Variants in PRELID2 observed in about 807,000 individuals in gnomAD.
PRELID2 encodes PRELI domain-containing protein 2.
PRELID2 carries 25 observed loss-of-function variants against 28.4 expected under a neutral mutation model. The observed-to-expected ratio is 0.88, with a 90% CI of 0.64 to 1.23. The LOEUF (loss-of-function observed/expected upper bound fraction) is 1.23, where lower values mean the gene tolerates loss of function less well. PRELID2 is among the 50% of genes most tolerant of loss of function. The probability of loss-of-function intolerance (pLI) is 0.00; values close to 1 mark genes in which losing one functional copy is unlikely to be tolerated. For synonymous variants in PRELID2, 76 were observed against 71.6 expected, an observed-to-expected ratio of 1.06 and a Z score of -0.31; for missense variants, 201 against 214.4, an observed-to-expected ratio of 0.94 and a Z score of 0.39.
intron 1 of PRELID2, among the ~76,000 whole-genome samples, chr5:145,544,848 A>G (rs1018845894): frequency 9.2e-5 from 14 of 152,158 alleles, no homozygotes; most frequent in African/African-American, 3.4e-4. Flanking sequence ...TTAGTGGCCA[A>G]GGAGTTCACA....
At chr5:145,631,267 C>A (rs62392260) in intron 1 of PRELID2, among the ~76,000 whole-genome samples, 1,812 of 152,246 alleles carry the variant, frequency 0.012, 17 homozygotes, top group Non-Finnish European at 0.017. Flanking sequence ...CCTGGAAGAC[C>A]TTATTAGGTG....
the PRELID2 span, among the ~76,000 whole-genome samples, chr5:145,272,153 A>G: frequency 6.6e-6 from 1 of 152,072 alleles, no homozygotes; most frequent in Non-Finnish European, 1.5e-5. Context: ...TATTAGTTTG[A>G]CTTACTGAGA....
the PRELID2 span, among the ~76,000 whole-genome samples, chr5:145,445,877 GA>G: frequency 6.6e-6 from 1 of 151,944 alleles, no homozygotes; most frequent in African/African-American, 2.4e-5. Flanking sequence ...TGCTGGTGGG[GA>G]TATGGAGAAG....
intron 5 of PRELID2, among the ~76,000 whole-genome samples, chr5:145,791,229 A>T (rs1215310650): frequency 6.6e-6 from 1 of 152,096 alleles, no homozygotes; most frequent in African/African-American, 2.4e-5. Flanking sequence ...AGAGAACAGG[A>T]TGGAGGAAAC....
At chr5:145,670,206 ACAG>A (rs1754677872) in intron 1 of PRELID2, among the ~76,000 whole-genome samples, 1 of 152,152 alleles carries the variant, frequency 6.6e-6, no homozygotes. Flanking sequence ...ACTTCCAATC[ACAG>A]CAGAAGGCAA....
the PRELID2 span, among the ~76,000 whole-genome samples, chr5:145,239,762 T>G: frequency 4.1e-4 from 63 of 152,106 alleles, no homozygotes; most frequent in African/African-American, 1.5e-3. Flanking sequence ...TCTGCCCTAC[T>G]CAAGTGGCCC....
the PRELID2 span, among the ~76,000 whole-genome samples, chr5:145,357,702 G>A: frequency 3.3e-5 from 5 of 151,956 alleles, no homozygotes; most frequent in Admixed American, 6.6e-5. Flanking sequence ...CCTGAATGTC[G>A]ATGATCTTTG....
the PRELID2 span, among the ~76,000 whole-genome samples, chr5:145,405,624 G>A: frequency 1.3e-5 from 2 of 150,804 alleles, no homozygotes; most frequent in Non-Finnish European, 2.9e-5. Flanking sequence ...AATCATGGCA[G>A]AAAGTGAAGA....
the PRELID2 span, among the ~76,000 whole-genome samples, chr5:145,370,748 C>T: frequency 1.3e-5 from 2 of 152,068 alleles, no homozygotes; most frequent in South Asian, 2.1e-4. Flanking sequence ...TCTTCCTGTC[C>T]ATGAGGATGG....
intron 1 of PRELID2, among the ~76,000 whole-genome samples, chr5:145,709,999 T>A (rs1467448296): frequency 1.3e-5 from 2 of 152,206 alleles, no homozygotes; most frequent in African/African-American, 4.8e-5. Flanking sequence ...ATGGGGTTTT[T>A]TAAATTGCTT....
At chr5:145,644,699 A>G (rs1754167899) in intron 1 of PRELID2, among the ~76,000 whole-genome samples, 2 of 152,130 alleles carry the variant, frequency 1.3e-5, no homozygotes, top group African/African-American at 4.8e-5. Context: ...TGTCCCAGAG[A>G]TTCTGGTATG....
At chr5:145,481,832 C>T (rs2126617884) in intron 1 of PRELID2, among the ~76,000 whole-genome samples, 1 of 152,104 alleles carries the variant, frequency 6.6e-6, no homozygotes, top group African/African-American at 2.4e-5. Context: ...TTGTATAGCA[C>T]AGTATTTTAG....
chr5:145,512,464 G>A (rs1206952136), intron 1 of PRELID2, among the ~76,000 whole-genome samples: 2 of 152,170 alleles, frequency 1.3e-5, no homozygotes, highest in African/African-American at 4.8e-5. Flanking sequence ...CTCTGGGCAG[G>A]GCATCTCTGA....
chr5:145,734,528 G>A (rs1371793019), intron 1 of PRELID2, among the ~76,000 whole-genome samples: 1 of 152,154 alleles, frequency 6.6e-6, no homozygotes, highest in East Asian at 1.9e-4. Context: ...GAGACCAAAA[G>A]TCTACCAATG....
intron 5 of PRELID2, among the ~76,000 whole-genome samples, chr5:145,767,701 C>T (rs867274812): frequency 1.1e-4 from 16 of 152,070 alleles, no homozygotes; most frequent in Admixed American, 7.9e-4. Context: ...TTGAGAGCTG[C>T]GTGCTGAGTA....
At chr5:145,590,161 T>C (rs1753208513) in intron 1 of PRELID2, among the ~76,000 whole-genome samples, 1 of 152,168 alleles carries the variant, frequency 6.6e-6, no homozygotes, top group African/African-American at 2.4e-5. Context: ...AACTAAGCTA[T>C]TTCTAGCCCC....
At chr5:145,622,435 A>T (rs1753785879) in intron 1 of PRELID2, among the ~76,000 whole-genome samples, 1 of 152,182 alleles carries the variant, frequency 6.6e-6, no homozygotes, top group Non-Finnish European at 1.5e-5. Context: ...TGCTAAAGGA[A>T]ATCCTAAATT....
chr5:145,465,544 G>A, the PRELID2 span, among the ~76,000 whole-genome samples: 58 of 152,126 alleles, frequency 3.8e-4, no homozygotes, highest in African/African-American at 1.1e-3. Context: ...GGTTAACTCC[G>A]ACTCTACCCT....
chr5:145,288,584 T>A, the PRELID2 span, among the ~76,000 whole-genome samples: 1 of 152,130 alleles, frequency 6.6e-6, no homozygotes, highest in Non-Finnish European at 1.5e-5. Flanking sequence ...AAAACCAGCA[T>A]CTGTATGTTA....
Sources: gnomAD v4.1 joint callset for allele counts (sites outside exome capture counted in the v4.1 genomes callset) on GRCh38, gnomAD v4.1.1 for gene constraint, MANE v1.5 for transcripts, NCBI Gene and HGNC (gene_info 2026-07-23, HGNC 2026-07-21) for gene names.